Variants in MCPH1 observed in about 807,000 individuals in gnomAD.
The protein encoded by MCPH1 is microcephalin 1.
A neutral mutation model predicts 84.5 loss-of-function variants in MCPH1; 104 were observed. That is an observed-to-expected ratio of 1.23 (90% CI 1.05 to 1.45). MCPH1 has a LOEUF of 1.45. Ranked by LOEUF, MCPH1 falls within the 40% of genes most tolerant of loss-of-function variation. MCPH1 has a pLI of 0.00. For synonymous variants in MCPH1, 514 were observed against 366.8 expected (o/e 1.40, Z -4.58); for missense variants, 1,498 against 1,005.7 (o/e 1.49, Z -6.62).
chr8:6,562,975 G>T, intron 12 of MCPH1: 1 of 1,547,586 alleles, frequency 6.5e-7, no homozygotes, highest in Non-Finnish European at 8.8e-7. Flanking sequence ...CAAACTTGAG[G>T]GCAAACACAC....
rs139537613 is a variant in MCPH1 at position 6,421,432 on chromosome 8, T to G, written c.233+6549T>G. Among the ~76,000 whole-genome samples the G allele has an allele frequency of 2.3e-3, 351 of 152,114 alleles. 2 individuals carry two copies. Among genetic ancestry groups the G allele is most frequent in the African/African-American group, 7.8e-3 (324 of 41,478 alleles). ...AGCTTTATCCTTCTGACAAAATGGC[T>G]TAGAGTTCAGTGGTCTATAGCAGAG... On this transcript the variant is annotated intron_variant, in intron 3 of 13. Coordinates refer to ENST00000344683, the MANE Select transcript of MCPH1 (RefSeq NM_024596.5).
intron 8 of MCPH1, chr8:6,447,419 AC>A (rs1563224579): frequency 1.0e-6 from 1 of 985,204 alleles, no homozygotes; most frequent in East Asian, 1.1e-4. Context: ...TTTTCAGTTC[AC>A]TTTTACTTGT....
rs193148655 is a variant in MCPH1, at chr8:6,495,761, T to A, written c.2137-4091T>A. Among the ~76,000 whole-genome samples, 8 of 152,366 alleles carry A rather than the reference T, an allele frequency of 5.3e-5. No individual in the cohort carries two copies. The East Asian group carries it at 1.5e-3, about 29-fold the overall frequency. On this transcript the variant is annotated intron_variant, in intron 11 of 13. Coordinates refer to ENST00000344683, the MANE Select transcript of MCPH1 (RefSeq NM_024596.5). ...GCAAAAACACCCCAATCACTTTCAG[T>A]GATTAAAGTAAAGATGTGTCTAACT... is the stretch of plus-strand genomic sequence containing the variant.
At chr8:6,640,464 G>A (rs939749784) in intron 13 of MCPH1, among the ~76,000 whole-genome samples, 3 of 152,138 alleles carry the variant, frequency 2.0e-5, no homozygotes, top group African/African-American at 7.2e-5. Context: ...AATTATGAAT[G>A]AGTCTGAATA....
At chr8:6,406,798 C>G (rs1481631808) in intron 1 of MCPH1, 109 bp downstream of exon 1, 7 of 1,261,850 alleles carry the variant, frequency 5.5e-6, no homozygotes, top group African/African-American at 2.9e-5. Flanking sequence ...TCGCCCCTCC[C>G]TCGCTGCCTG....
intron 12 of MCPH1, among the ~76,000 whole-genome samples, chr8:6,514,208 A>T (rs1220199445): frequency 6.6e-6 from 1 of 152,104 alleles, no homozygotes; most frequent in East Asian, 1.9e-4. Flanking sequence ...AGCCTTGTTT[A>T]TTTGAGAGTC....
chr8:6,487,205 C>T (rs987941927), intron 11 of MCPH1, among the ~76,000 whole-genome samples: 1 of 152,194 alleles, frequency 6.6e-6, no homozygotes, highest in African/African-American at 2.4e-5. Flanking sequence ...AATGTCAAGG[C>T]CGCTAACTAT....
At chr8:6,520,114 G>T in intron 12 of MCPH1, 1 of 1,115,380 alleles carries the variant, frequency 9.0e-7, no homozygotes. Flanking sequence ...GCAAAAGGCT[G>T]TACCACTTTT....
chr8:6,508,360 A>G (rs1372835563), intron 12 of MCPH1: 1 of 153,782 alleles, frequency 6.5e-6, no homozygotes, highest in Admixed American at 6.5e-5. Flanking sequence ...AGGCAGGAGA[A>G]TCGCTTGAGC....
In MCPH1 at chr8:6,494,716, T is replaced by A. The variant is rs931124500; in HGVS notation, c.2137-5136T>A. Reference sequence around the variant, plus strand: ...TAGGTAAATCCATAGAATAGAAAACTAATTAGAAGTTACCAGGGATGGAGG... The same window carrying A: ...TAGGTAAATCCATAGAATAGAAAACAAATTAGAAGTTACCAGGGATGGAGG... On this transcript the variant is annotated intron_variant, in intron 11 of 13. Coordinates refer to ENST00000344683, the MANE Select transcript of MCPH1 (RefSeq NM_024596.5). 2.0e-5 allele frequency among the ~76,000 whole-genome samples: 3 copies of A among 152,032 alleles called. No individual in the cohort carries two copies. In the East Asian group the frequency reaches 5.8e-4, roughly 29 times the overall value.
chr8:6,509,046 G>A, intron 12 of MCPH1: 2 of 1,613,996 alleles, frequency 1.2e-6, no homozygotes, highest in Non-Finnish European at 1.7e-6. Context: ...GTCCCTGTAA[G>A]TCCTTTAAGG....
intron 8 of MCPH1, 21 bp downstream of exon 8, chr8:6,445,568 A>G (rs1563221390): frequency 6.4e-7 from 1 of 1,558,496 alleles, no homozygotes; most frequent in Non-Finnish European, 8.6e-7. Context: ...CTCCTTTTCC[A>G]AGTCACCTTC....
chr8:6,587,644 A>G (rs570541432), intron 12 of MCPH1, among the ~76,000 whole-genome samples: 1 of 152,292 alleles, frequency 6.6e-6, no homozygotes, highest in African/African-American at 2.4e-5. Flanking sequence ...TGGGGCCTGG[A>G]TGGCTTATTG....
At chr8:6,476,262 C>G (rs1271386130) in intron 9 of MCPH1, among the ~76,000 whole-genome samples, 1 of 151,958 alleles carries the variant, frequency 6.6e-6, no homozygotes, top group Admixed American at 6.6e-5. Flanking sequence ...AACCCTGTCT[C>G]TACTAGAAAT....
chr8:6,611,949 A>G (rs780364787), intron 12 of MCPH1, among the ~76,000 whole-genome samples: 1 of 152,148 alleles, frequency 6.6e-6, no homozygotes, highest in Non-Finnish European at 1.5e-5. Flanking sequence ...GCTTCATTAC[A>G]TAGGCAGGAC....
chr8:6,448,775 T>C (rs1042065422), intron 8 of MCPH1, among the ~76,000 whole-genome samples: 2 of 152,208 alleles, frequency 1.3e-5, no homozygotes, highest in Non-Finnish European at 2.9e-5. Flanking sequence ...CTTCATTTTC[T>C]AATAGAGCCT....
chr8:6,417,849 A>G (rs1407288822), intron 3 of MCPH1, among the ~76,000 whole-genome samples: 2 of 152,138 alleles, frequency 1.3e-5, no homozygotes, highest in Non-Finnish European at 2.9e-5. Context: ...GGCTCTTCAT[A>G]TGGCAAATAA....
At chr8:6,456,624 C>G (rs1257379441) in intron 9 of MCPH1, among the ~76,000 whole-genome samples, 1 of 151,620 alleles carries the variant, frequency 6.6e-6, no homozygotes, top group African/African-American at 2.4e-5. Context: ...TACCTCTCAT[C>G]TCTATTGGTA....
chr8:6,510,181 A>G (rs1441938040), intron 12 of MCPH1, among the ~76,000 whole-genome samples: 2 of 149,724 alleles, frequency 1.3e-5, no homozygotes, highest in Non-Finnish European at 3.0e-5. Flanking sequence ...TATTTTCCAT[A>G]ACTATGCTCA....
Sources: allele counts gnomAD v4.1 joint callset (sites outside exome capture counted in the v4.1 genomes callset), GRCh38; gene constraint gnomAD v4.1.1; transcripts MANE v1.5; gene names NCBI Gene and HGNC (gene_info 2026-07-23, HGNC 2026-07-21).